Variants in PTPRD observed in about 807,000 individuals in gnomAD.
The protein encoded by PTPRD is receptor-type tyrosine-protein phosphatase delta.
In PTPRD, 34 loss-of-function variants were observed where a neutral mutation model predicts 214.5. The ratio of observed to expected loss-of-function variants is 0.16; its 90% CI spans 0.12 to 0.21. The LOEUF is 0.21. Among genes scored for constraint, PTPRD ranks in the 10% least tolerant of loss-of-function variants. PTPRD has a pLI of 1.00. For synonymous variants in PTPRD, 1,128 were observed against 845.7 expected (o/e 1.33, Z -5.79); for missense variants, 2,545 against 2,398.7 (o/e 1.06, Z -1.27).
chr9:8,669,789 A>AGAGGTTATGAATAACGTG (rs1182666937), intron 12 of PTPRD, among the ~76,000 whole-genome samples: 1 of 152,204 alleles, frequency 6.6e-6, no homozygotes, highest in Non-Finnish European at 1.5e-5. Flanking sequence ...AAGAAGTCAT[A>AGAGGTTATGAATAACGTG]GAGGTTATGA....
chr9:9,901,396 G>A (rs748401087), intron 5 of PTPRD, among the ~76,000 whole-genome samples: 1 of 151,558 alleles, frequency 6.6e-6, no homozygotes, highest in Non-Finnish European at 1.5e-5. Flanking sequence ...AACTATGGAT[G>A]AGATCAAATC....
chr9:10,327,206 T>C (rs2096660267), intron 3 of PTPRD, among the ~76,000 whole-genome samples: 1 of 148,070 alleles, frequency 6.8e-6, no homozygotes, highest in South Asian at 2.1e-4. Context: ...TATGATAGCA[T>C]ACTATTCTGT....
chr9:8,328,361 TTGTAGGGTTGC>T (rs1177668009), intron 44 of PTPRD, among the ~76,000 whole-genome samples: 1 of 152,218 alleles, frequency 6.6e-6, no homozygotes, highest in Non-Finnish European at 1.5e-5. Flanking sequence ...GTCTTCTGGC[TTGTAGGGTTGC>T]TGTCGAGAGA....
At chr9:8,643,027 A>G (rs1488081451) in intron 12 of PTPRD, among the ~76,000 whole-genome samples, 1 of 152,210 alleles carries the variant, frequency 6.6e-6, no homozygotes, top group Non-Finnish European at 1.5e-5. Context: ...TGAATCTGTC[A>G]CATGAAATTT....
At chr9:8,574,410 G>A (rs1186078045) in intron 14 of PTPRD, among the ~76,000 whole-genome samples, 3 of 151,928 alleles carry the variant, frequency 2.0e-5, no homozygotes, top group Non-Finnish European at 2.9e-5. Flanking sequence ...GATGATGATA[G>A]TTGGGAGGCC....
At chr9:10,448,489 GGT>G (rs1047633585) in intron 2 of PTPRD, among the ~76,000 whole-genome samples, 1 of 151,966 alleles carries the variant, frequency 6.6e-6, no homozygotes, top group African/African-American at 2.4e-5. Context: ...AGTGAAAGGT[GGT>G]TCATCTAAAA....
At position 9,803,546 on chromosome 9, in the gene PTPRD, C is replaced by G. The variant is rs1005275417; in HGVS notation, c.-367-36695G>C. On this transcript the variant is annotated intron_variant, in intron 5 of 45. Coordinates refer to ENST00000381196, the MANE Select transcript of PTPRD (RefSeq NM_002839.4). Reference sequence around the variant, plus strand: ...TGATGAGCATCCCAAATAGATAAAACTTCATGGCCAGCAGAGTTAGTACTG... The same window carrying G: ...TGATGAGCATCCCAAATAGATAAAAGTTCATGGCCAGCAGAGTTAGTACTG... 3.6e-4 allele frequency among the ~76,000 whole-genome samples: 54 copies of G among 151,902 alleles called. 1 individual carries two copies. Among genetic ancestry groups the G allele is most frequent in the African/African-American group, 1.3e-3 (52 of 41,422 alleles).
chr9:8,784,194 T>C (rs2095848860), intron 11 of PTPRD, among the ~76,000 whole-genome samples: 1 of 152,180 alleles, frequency 6.6e-6, no homozygotes, highest in Admixed American at 6.5e-5. Context: ...TAATAATGGC[T>C]TCATTCTGCT....
chr9:9,852,540 T>C (rs2060739664), intron 5 of PTPRD, among the ~76,000 whole-genome samples: 1 of 152,116 alleles, frequency 6.6e-6, no homozygotes, highest in East Asian at 1.9e-4. Context: ...TGTCTAGAGT[T>C]ATATAGAAAT....
At chr9:10,025,127 A>G (rs929893641) in intron 4 of PTPRD, among the ~76,000 whole-genome samples, 2 of 152,046 alleles carry the variant, frequency 1.3e-5, no homozygotes, top group Non-Finnish European at 2.9e-5. Context: ...ATGATTTACA[A>G]TCCTTTGGGT....
intron 10 of PTPRD, among the ~76,000 whole-genome samples, chr9:9,138,405 A>G (rs901708263): frequency 6.6e-6 from 1 of 152,252 alleles, no homozygotes. Context: ...ATTGAGTACT[A>G]TTTGCACTTA....
At chr9:9,697,359 G>T (rs1391863229) in intron 7 of PTPRD, among the ~76,000 whole-genome samples, 1 of 152,052 alleles carries the variant, frequency 6.6e-6, no homozygotes, top group Non-Finnish European at 1.5e-5. Flanking sequence ...TTTCTTGTAA[G>T]ATGGGTCTGA....
At chr9:10,151,640 T>C (rs996688961) in intron 3 of PTPRD, among the ~76,000 whole-genome samples, 4 of 152,154 alleles carry the variant, frequency 2.6e-5, no homozygotes, top group African/African-American at 2.4e-5. Context: ...TAGCATAAAA[T>C]ACTGTGAGTT....
intron 5 of PTPRD, among the ~76,000 whole-genome samples, chr9:9,899,185 A>T (rs1426112768): frequency 3.3e-5 from 5 of 152,102 alleles, no homozygotes; most frequent in Non-Finnish European, 5.9e-5. Flanking sequence ...CTAACAAAAT[A>T]TGTAGAGAAT....
intron 3 of PTPRD, among the ~76,000 whole-genome samples, chr9:10,251,154 G>A (rs964414778): frequency 6.6e-6 from 1 of 152,036 alleles, no homozygotes; most frequent in Non-Finnish European, 1.5e-5. Flanking sequence ...TAAATAACAT[G>A]TTCAATTGAT....
intron 14 of PTPRD, among the ~76,000 whole-genome samples, chr9:8,559,170 GAA>G (rs2085169696): frequency 6.6e-6 from 1 of 152,108 alleles, no homozygotes; most frequent in South Asian, 2.1e-4. Flanking sequence ...TCAGTTAGAA[GAA>G]ATAAGTTCTA....
chr9:9,685,644 T>C (rs529639481), intron 7 of PTPRD, among the ~76,000 whole-genome samples: 1 of 151,402 alleles, frequency 6.6e-6, no homozygotes, highest in East Asian at 1.9e-4. Context: ...GCTTGTCTAC[T>C]AGTAGTTAGC....
chr9:8,594,369 C>G (rs773625451), intron 14 of PTPRD, among the ~76,000 whole-genome samples: 3 of 152,138 alleles, frequency 2.0e-5, no homozygotes, highest in Non-Finnish European at 4.4e-5. Context: ...CAAAGATCTC[C>G]TAAGAATCTG....
At chr9:8,670,767 A>T (rs2154363094) in intron 12 of PTPRD, among the ~76,000 whole-genome samples, 1 of 152,354 alleles carries the variant, frequency 6.6e-6, no homozygotes, top group South Asian at 2.1e-4. Context: ...AGCACTGAAG[A>T]ACTAAGACTA....
Sources: allele counts gnomAD v4.1 joint callset (sites outside exome capture counted in the v4.1 genomes callset), GRCh38; gene constraint gnomAD v4.1.1; transcripts MANE v1.5; gene names NCBI Gene and HGNC (gene_info 2026-07-23, HGNC 2026-07-21).